IL15: variants seen among roughly 807,000 people sequenced by gnomAD.
The protein encoded by IL15 is interleukin-15.
Under a neutral mutation model 19.6 loss-of-function variants are expected in IL15, and 11 were observed. The observed-to-expected ratio is 0.56, with a 90% CI of 0.35 to 0.93. IL15 has a LOEUF of 0.93. Ranked by LOEUF, IL15 falls within the 40% of genes least tolerant of loss-of-function variation. The pLI, the probability that IL15 is intolerant of heterozygous loss-of-function variation, is 0.01. For missense variants in IL15, 197 were observed against 186.5 expected (o/e 1.06, Z -0.33); for synonymous variants, 58 against 59.6 (o/e 0.97, Z 0.12).
intron 2 of IL15, among the ~76,000 whole-genome samples, chr4:141,710,922 TC>T (rs957217314): frequency 5.9e-5 from 9 of 152,092 alleles, no homozygotes; most frequent in African/African-American, 2.2e-4. Context: ...CTACACCATT[TC>T]CCCCAGGGAG....
At chr4:141,638,443 T>A (rs531990231) in intron 1 of IL15, among the ~76,000 whole-genome samples, 6 of 152,206 alleles carry the variant, frequency 3.9e-5, no homozygotes, top group Non-Finnish European at 7.3e-5. Flanking sequence ...GAACTTCTGA[T>A]AGGCAGGGTG....
At chr4:141,704,964 T>C (rs1388460635) in intron 2 of IL15, among the ~76,000 whole-genome samples, 1 of 151,942 alleles carries the variant, frequency 6.6e-6, no homozygotes. Flanking sequence ...TATTTGAATC[T>C]CTCACTTGTT....
intron 2 of IL15, among the ~76,000 whole-genome samples, chr4:141,659,540 T>C (rs1727721291): frequency 6.6e-6 from 1 of 152,118 alleles, no homozygotes; most frequent in Non-Finnish European, 1.5e-5. Flanking sequence ...ATTGCTACCA[T>C]TGAGGGGTTA....
chr4:141,666,053 ATC>A (rs1727961307), intron 2 of IL15, among the ~76,000 whole-genome samples: 1 of 151,214 alleles, frequency 6.6e-6, no homozygotes, highest in South Asian at 2.1e-4. Context: ...AGAAAACAGA[ATC>A]TCTCTCAGAC....
chr4:141,722,215 G>A (rs1344729121), intron 5 of IL15, among the ~76,000 whole-genome samples: 4 of 152,126 alleles, frequency 2.6e-5, no homozygotes, highest in Non-Finnish European at 4.4e-5. Context: ...AAGCGGCCCA[G>A]ACGGATGAGT....
At chr4:141,703,092 A>G (rs7688250) in intron 2 of IL15, among the ~76,000 whole-genome samples, 117,506 of 152,112 alleles carry the variant, frequency 0.77, 45,698 homozygotes, top group East Asian at 0.99. Context: ...GGCCAATCTC[A>G]CTCCTGAAGT....
intron 1 of IL15, among the ~76,000 whole-genome samples, chr4:141,643,035 G>A (rs1727104956): frequency 6.6e-6 from 1 of 152,156 alleles, no homozygotes; most frequent in Admixed American, 6.5e-5. Flanking sequence ...TTGGAATACT[G>A]TAATAAAAAT....
rs116501276 is a variant in IL15 at position 141,729,955 on chromosome 4, C to T, written c.349C>T (p.Leu117=). Residue 117 remains leucine (L), a synonymous_variant, in exon 7 of 8, where the codon CTA becomes TTA. Coordinates refer to ENST00000320650, the MANE Select transcript of IL15 (RefSeq NM_000585.5). ...TGATACAGTAGAAAATCTGATCATC[C>T]TAGCAAACAACAGTTTGTCTTCTAA... is the stretch of plus-strand genomic sequence containing the variant. The part of the protein sequence containing the change: ...IHDTVENLII[L]ANNSLSSNGN... The T allele has an allele frequency of 8.4e-4, 1,343 of 1,608,004 alleles. 11 individuals carry two copies. In the African/African-American group the frequency reaches 0.016, roughly 19 times the overall value.
intron 2 of IL15, among the ~76,000 whole-genome samples, chr4:141,667,114 G>A (rs981279977): frequency 6.6e-5 from 10 of 152,220 alleles, no homozygotes; most frequent in African/African-American, 2.4e-4. Context: ...GGAAGTGCTT[G>A]TGCTCAGGAC....
rs1268848939 is a variant in IL15, at chr4:141,732,729, ATT to A, written c.379-6_379-5del. On this transcript the variant is annotated splice_region_variant and splice_polypyrimidine_tract_variant and intron_variant, in intron 7 of 7. Transcript: ENST00000320650. Reference sequence around the variant, plus strand: ...AATTGCCAATTTAATCTCTCTCTATATTTTGCAGAATGTAACAGAATCTGGAT... The same window carrying A: ...AATTGCCAATTTAATCTCTCTCTATATTGCAGAATGTAACAGAATCTGGAT... The A allele has an allele frequency of 7.5e-6, 12 of 1,606,128 alleles. No homozygotes were observed. Among genetic ancestry groups the A allele is most frequent in the Non-Finnish European group, 9.3e-6 (11 of 1,178,070 alleles).
chr4:141,728,927 A>C (rs1328200310), intron 6 of IL15, among the ~76,000 whole-genome samples: 1 of 152,160 alleles, frequency 6.6e-6, no homozygotes, highest in East Asian at 1.9e-4. Context: ...GGGTTAGAGA[A>C]ACAACCTTAG....
intron 1 of IL15, among the ~76,000 whole-genome samples, chr4:141,638,318 C>T (rs985178262): frequency 7.9e-5 from 12 of 152,260 alleles, no homozygotes; most frequent in Admixed American, 3.3e-4. Flanking sequence ...GTCTTAGTTT[C>T]GGGTCCTTAT....
At chr4:141,698,535 G>A (rs987849651) in intron 2 of IL15, among the ~76,000 whole-genome samples, 10 of 151,534 alleles carry the variant, frequency 6.6e-5, no homozygotes, top group Non-Finnish European at 1.3e-4. Flanking sequence ...GTCTGCTCAG[G>A]GTTTCTATTT....
chr4:141,654,111 A>G (rs544456274), intron 1 of IL15, among the ~76,000 whole-genome samples: 2 of 152,306 alleles, frequency 1.3e-5, no homozygotes, highest in East Asian at 3.9e-4. Context: ...GGCATGTTCT[A>G]AGGAACAACA....
In IL15 at chr4:141,733,904, G is replaced by A. The variant is rs1192363168; in HGVS notation, c.*1056G>A. 6.6e-6 allele frequency: 1 copy of A among 152,164 alleles called. No homozygotes were observed. The highest frequency in any genetic ancestry group is 6.5e-5 in the Admixed American group (1 of 15,272). 9.4% of individuals were successfully genotyped at this position (152,164 alleles called of 1,614,324 possible). A position where few individuals can be genotyped will look rare whatever the true frequency, so the allele number is the denominator to read the frequency against. On this transcript the variant is annotated 3_prime_UTR_variant, in exon 8 of 8. Transcript: ENST00000320650. ...TTGTTTATATTTTTTGCACTACACT[G>A]TCTAAAATTAGCAAGCTCTCTTCTA...
intron 5 of IL15, among the ~76,000 whole-genome samples, chr4:141,727,606 A>T (rs1035967253): frequency 5.3e-5 from 8 of 152,062 alleles, no homozygotes; most frequent in Non-Finnish European, 1.2e-4. Flanking sequence ...AATCTATGCA[A>T]ATGATAAAAT....
intron 2 of IL15, among the ~76,000 whole-genome samples, chr4:141,707,481 C>T (rs537524521): frequency 2.4e-4 from 37 of 152,244 alleles, no homozygotes; most frequent in African/African-American, 8.9e-4. Context: ...TCCTTTGTCT[C>T]TGCATTGATA....
intron 1 of IL15, among the ~76,000 whole-genome samples, chr4:141,640,927 A>G (rs964351759): frequency 9.9e-5 from 15 of 152,210 alleles, no homozygotes; most frequent in African/African-American, 3.4e-4. Context: ...ACAGGAAAAT[A>G]TGATGGTTGT....
At chr4:141,714,718 A>G (rs1729818866) in intron 2 of IL15, 1 of 152,142 alleles carries the variant, frequency 6.6e-6, no homozygotes, top group Non-Finnish European at 1.5e-5. Flanking sequence ...CTTCTAGAAT[A>G]TGATACTCTT....
Sources: gnomAD v4.1 joint callset for allele counts (sites outside exome capture counted in the v4.1 genomes callset) on GRCh38, gnomAD v4.1.1 for gene constraint, MANE v1.5 for transcripts, NCBI Gene and HGNC (gene_info 2026-07-23, HGNC 2026-07-21) for gene names.